Variants in TSLP observed in about 807,000 individuals in gnomAD.
The protein encoded by TSLP is thymic stromal lymphopoietin.
Under a neutral mutation model 12.4 loss-of-function variants are expected in TSLP, and 12 were observed. The observed-to-expected ratio is 0.97, with a 90% confidence interval of 0.62 to 1.57. The LOEUF (loss-of-function observed/expected upper bound fraction) is 1.57. TSLP is among the 40% of genes most tolerant of loss of function. The pLI, the probability that TSLP is intolerant of heterozygous loss-of-function variation, is 0.00. For missense variants in TSLP, 222 were observed against 189.6 expected, an observed-to-expected ratio of 1.17 and a Z score of -1.00; for synonymous variants, 97 against 69.5, an observed-to-expected ratio of 1.40 and a Z score of -1.97.
intron 1 of TSLP, among the ~76,000 whole-genome samples, chr5:111,072,541 C>T (rs1024195348): frequency 6.6e-6 from 1 of 152,078 alleles, no homozygotes; most frequent in African/African-American, 2.4e-5. Context: ...TCCTGATTAA[C>T]CTAATTTCTA....
chr5:111,071,409 TAG>T (rs962091096), upstream of TSLP: 1 of 1,495,086 alleles, frequency 6.7e-7, no homozygotes, highest in Non-Finnish European at 8.9e-7. Context: ...TTCTCCCAAA[TAG>T]AAAGGATTGG....
rs374147223 is a variant in TSLP at position 111,076,096 on chromosome 5, T to C, written c.*22T>C. The C allele has an allele frequency of 9.3e-6, 15 of 1,612,506 alleles. No individual in the cohort carries two copies. In the African/African-American group the frequency reaches 1.1e-4, roughly 11 times the overall value. ...GTAAACCATCTTTATTATGGTCATATTTCACAGCACCAAAATAAATCATCT... is the reference window on the plus strand; with the variant it reads ...GTAAACCATCTTTATTATGGTCATACTTCACAGCACCAAAATAAATCATCT... On this transcript the variant is annotated 3_prime_UTR_variant, in exon 4 of 4. Transcript: ENST00000344895.
At chr5:111,075,910 A>G in intron 3 of TSLP, 36 bp from the exon 4 acceptor site, 1 of 1,603,970 alleles carries the variant, frequency 6.2e-7, no homozygotes. Context: ...AAGATAGTGA[A>G]AAGTAATTTT....
chr5:111,072,404 A>C (rs542008102), intron 1 of TSLP, among the ~76,000 whole-genome samples: 103 of 152,368 alleles, frequency 6.8e-4, no homozygotes, highest in South Asian at 1.4e-3. Context: ...GATAATTCTC[A>C]TGAGATAAAC....
At chr5:111,072,538 T>C (rs990977193) in intron 1 of TSLP, among the ~76,000 whole-genome samples, 30 of 152,172 alleles carry the variant, frequency 2.0e-4, no homozygotes, top group Admixed American at 1.8e-3. Flanking sequence ...TTTTCCTGAT[T>C]AACCTAATTT....
intron 2 of TSLP, 55 bp from the exon 3 acceptor site, chr5:111,073,456 C>G: frequency 1.2e-6 from 2 of 1,610,246 alleles, no homozygotes; most frequent in South Asian, 2.2e-5. Flanking sequence ...CTCACCAACT[C>G]TTTCTCTCTC....
In TSLP at chr5:111,073,590, C is replaced by G. The variant is rs756678604; in HGVS notation, c.296C>G (p.Ala99Gly). ...GCASLAKEMFAMKTKAALAIW... is the reference protein window; with the variant it reads ...GCASLAKEMFGMKTKAALAIW... ...GCGTCGCTCGCCAAAGAAATGTTCG[C>G]CATGAAAACTAAGGCTGCCTTAGCT... Residue 99 changes from alanine (A) to glycine (G), a missense_variant, in exon 3 of 4, where the codon GCC (alanine) becomes GGC (glycine). Physicochemically the swap from Ala to Gly is moderately conservative, Grantham distance 60. Transcript: ENST00000344895. The G allele has an allele frequency of 6.2e-7, 1 of 1,614,204 alleles. No individual in the cohort carries two copies. Among genetic ancestry groups the G allele is most frequent in the Non-Finnish European group, 8.5e-7 (1 of 1,180,042 alleles).
intron 1 of TSLP, 131 bp from the exon 2 acceptor site, chr5:111,072,757 T>C (rs1752376038): frequency 1.1e-6 from 1 of 889,796 alleles, no homozygotes; most frequent in Non-Finnish European, 1.9e-6. Flanking sequence ...GTCAATGACA[T>C]AGGAAAAAGG....
chr5:111,072,806 C>A lies in TSLP; in HGVS notation c.172-82C>A. On this transcript the variant is annotated intron_variant, in intron 1 of 3. Transcript: ENST00000344895. Reference sequence around the variant, plus strand: ...ACTGTTTTCAGGGCACCTTTAAAGCCTGGGAGCAAAGGGTGGAGGGATGAT... The same window carrying A: ...ACTGTTTTCAGGGCACCTTTAAAGCATGGGAGCAAAGGGTGGAGGGATGAT... 6 of 1,448,956 alleles carry A rather than the reference C, an allele frequency of 4.1e-6. 1 individual carries two copies. In the South Asian group the frequency reaches 6.9e-5, roughly 17 times the overall value. 89.8% of individuals were successfully genotyped at this position (1,448,956 alleles called of 1,614,324 possible).
At chr5:111,074,745 G>A (rs184377770) in intron 3 of TSLP, among the ~76,000 whole-genome samples, 24 of 147,524 alleles carry the variant, frequency 1.6e-4, no homozygotes, top group African/African-American at 5.5e-4. Flanking sequence ...TCAGCCTCCC[G>A]AGTAGCTGGA....
At position 111,075,959 on chromosome 5, in the gene TSLP, A is replaced by G; in HGVS notation, c.365A>G (p.Gln122Arg). Residue 122 changes from glutamine to arginine, a missense_variant, in exon 4 of 4, where the codon CAG becomes CGG. Coordinates refer to ENST00000344895, the MANE Select transcript of TSLP (RefSeq NM_033035.5). ...TATATTCTGCAGATAAATGCTACTC[A>G]GGCAATGAAGAAGAGGAGAAAAAGG... ...GYSETQINAT[Q>R]AMKKRRKRKV... The G allele has an allele frequency of 6.2e-7, 1 of 1,613,358 alleles. No individual in the cohort carries two copies. Among genetic ancestry groups the G allele is most frequent in the African/African-American group, 1.3e-5 (1 of 74,992 alleles).
chr5:111,075,220 G>T (rs1263223815), intron 3 of TSLP, among the ~76,000 whole-genome samples: 27 of 152,154 alleles, frequency 1.8e-4, no homozygotes, highest in Non-Finnish European at 4.4e-5. Context: ...GATTTTGCAG[G>T]TTTTTTTAAG....
At chr5:111,075,675 C>G (rs1483888035) in intron 3 of TSLP, among the ~76,000 whole-genome samples, 1 of 152,162 alleles carries the variant, frequency 6.6e-6, no homozygotes, top group Non-Finnish European at 1.5e-5. Context: ...GACACACACT[C>G]TTAAGTACTG....
upstream of TSLP, chr5:111,071,595 A>G: frequency 1.3e-6 from 2 of 1,497,980 alleles, no homozygotes; most frequent in Middle Eastern, 1.8e-4. Flanking sequence ...TTCCTTTCAC[A>G]TCATCAATTC....
upstream of TSLP, chr5:111,071,633 T>A (rs897916166): frequency 6.9e-7 from 1 of 1,452,508 alleles, no homozygotes; most frequent in African/African-American, 1.4e-5. Flanking sequence ...GAGAATGACA[T>A]GGTAGAAAAT....
rs1752548438 is a variant in TSLP, at chr5:111,077,618, C to T, written c.*1544C>T. On this transcript the variant is annotated 3_prime_UTR_variant, in exon 4 of 4. Coordinates refer to ENST00000344895, the MANE Select transcript of TSLP (RefSeq NM_033035.5). ...GATTCACTGACTAGATTTTACTGAA[C>T]TATGAAAATAAATACACATAATTTT... The T allele has an allele frequency of 6.6e-6, 1 of 152,588 alleles. No homozygotes were observed. Among genetic ancestry groups the T allele is most frequent in the African/African-American group, 2.4e-5 (1 of 41,428 alleles). 9.5% of individuals were successfully genotyped at this position (152,588 alleles called of 1,614,324 possible). A position where few individuals can be genotyped will look rare whatever the true frequency, so the allele number is the denominator to read the frequency against.
At chr5:111,073,757 G>T in intron 3 of TSLP, 112 bp downstream of exon 3, 5 of 1,240,004 alleles carry the variant, frequency 4.0e-6, no homozygotes, top group Non-Finnish European at 5.6e-6. Flanking sequence ...ATCTTTCGAA[G>T]AGCAAACGAG....
chr5:111,075,377 C>T (rs542721679), intron 3 of TSLP, among the ~76,000 whole-genome samples: 1 of 151,912 alleles, frequency 6.6e-6, no homozygotes, highest in Non-Finnish European at 1.5e-5. Flanking sequence ...CACATCTAGA[C>T]AATGGGGCAG....
intron 3 of TSLP, among the ~76,000 whole-genome samples, 184 bp downstream of exon 3, chr5:111,073,829 A>G (rs760711980): frequency 7.9e-5 from 12 of 152,158 alleles, no homozygotes; most frequent in Non-Finnish European, 1.5e-4. Flanking sequence ...AAACTCACCT[A>G]TTTCTACGGT....
Sources: allele counts gnomAD v4.1 joint callset (sites outside exome capture counted in the v4.1 genomes callset), GRCh38; gene constraint gnomAD v4.1.1; transcripts MANE v1.5; gene names NCBI Gene and HGNC (gene_info 2026-07-23, HGNC 2026-07-21).